Variants in TTC6 observed in about 807,000 individuals in gnomAD.
TTC6 encodes tetratricopeptide repeat protein 6.
In TTC6, 172 loss-of-function variants were observed where a neutral mutation model predicts 210.4. That is an observed-to-expected ratio of 0.82 (90% confidence interval 0.72 to 0.93). The LOEUF (loss-of-function observed/expected upper bound fraction) is 0.93, where lower values mean the gene tolerates loss of function less well. Ranked by LOEUF, TTC6 falls within the 40% of genes least tolerant of loss-of-function variation. The pLI is 0.00. For synonymous variants in TTC6, 804 were observed against 819.6 expected (o/e 0.98, Z 0.32); for missense variants, 2,414 against 2,318.1 (o/e 1.04, Z -0.85).
At chr14:37,826,319 C>A (rs369424662) in exon 28 of TTC6, 86 of 1,608,626 alleles carry the variant, frequency 5.3e-5, no homozygotes, top group Non-Finnish European at 6.5e-5. Flanking sequence ...AATTTTGCTG[C>A]AATGCAGGAT....
At chr14:37,730,412 T>C (rs1287300982) in intron 7 of TTC6, among the ~76,000 whole-genome samples, 1 of 152,170 alleles carries the variant, frequency 6.6e-6, no homozygotes, top group East Asian at 1.9e-4. Flanking sequence ...ATCCTTTCCA[T>C]GAAGGATTGG....
intron 1 of TTC6, among the ~76,000 whole-genome samples, chr14:37,639,715 C>CAAAAAAAAAAAA (rs35837305): frequency 1.3e-5 from 1 of 74,192 alleles, no homozygotes; most frequent in Non-Finnish European, 2.6e-5. Context: ...ACAAGAAATA[C>CAAAAAAAAAAAA]AAAAAAAAAA....
chr14:37,722,781 G>A (rs2095864373), intron 6 of TTC6, among the ~76,000 whole-genome samples: 1 of 152,180 alleles, frequency 6.6e-6, no homozygotes. Context: ...CACCTGGCTA[G>A]GTAGTGTTTA....
chr14:37,597,813 G>C lies in TTC6; in HGVS notation c.-235+1805G>C, dbSNP rs183079538. Among the ~76,000 whole-genome samples the C allele has an allele frequency of 3.0e-3, 455 of 152,232 alleles. 4 individuals carry two copies. Among genetic ancestry groups the C allele is most frequent in the Non-Finnish European group, 1.8e-3 (124 of 68,014 alleles). On this transcript the variant is annotated intron_variant, in intron 1 of 2. Transcript: ENST00000556845. ...GCCAGGCGATACTGGATTGAACTCC[G>C]CACGCATCCCAGTCAGGGATTTAGG...
In TTC6 at chr14:37,763,328, A is replaced by G. The variant is rs1024029874; in HGVS notation, c.3266+10093A>G. ...TTAATAACAGGGTAATGCTGCTTTA[A>G]TAAAGTGAATGAGGAAGTATTTTCT... On this transcript the variant is annotated intron_variant, in intron 14 of 30. Coordinates refer to ENST00000553443, the Ensembl canonical transcript of TTC6. Among the ~76,000 whole-genome samples, 5 of 152,274 alleles carry G rather than the reference A, an allele frequency of 3.3e-5. No homozygotes were observed. The East Asian group carries it at 9.6e-4, about 29-fold the overall frequency.
rs78925458 is a variant in TTC6 at position 37,826,954 on chromosome 14, A to G, written c.5128-242A>G. On this transcript the variant is annotated intron_variant, in intron 28 of 30. Transcript: ENST00000553443. ...TTTCCACTTTGTCTATTCCTTGGAA[A>G]GGAACTGAGTGAAAAAACACTAAGA... Among the ~76,000 whole-genome samples the G allele has an allele frequency of 7.0e-4, 107 of 152,272 alleles. No homozygotes were observed. The East Asian group carries it at 0.02, about 29-fold the overall frequency.
At chr14:37,612,701 A>G (rs1212217002) in intron 2 of TTC6, among the ~76,000 whole-genome samples, 1 of 152,126 alleles carries the variant, frequency 6.6e-6, no homozygotes, top group Non-Finnish European at 1.5e-5. Context: ...GAGATTTTGG[A>G]CATTTTTTGT....
At chr14:37,795,705 T>C (rs1160405747) in intron 18 of TTC6, among the ~76,000 whole-genome samples, 1 of 152,174 alleles carries the variant, frequency 6.6e-6, no homozygotes. Flanking sequence ...AACATAAGCA[T>C]GTGTACTAAA....
At chr14:37,694,101 A>G (rs375868696) in intron 3 of TTC6, among the ~76,000 whole-genome samples, 21 of 152,294 alleles carry the variant, frequency 1.4e-4, no homozygotes, top group African/African-American at 5.1e-4. Context: ...GCAAAAATGA[A>G]CAAATGGGTT....
upstream of TTC6, among the ~76,000 whole-genome samples, chr14:37,617,853 T>A (rs902025858): frequency 4.5e-4 from 69 of 152,194 alleles, 2 homozygotes; most frequent in Admixed American, 6.5e-4. Flanking sequence ...GGTATGTCAG[T>A]TGAGATGATA....
chr14:37,597,405 G>C (rs569941447), intron 1 of TTC6, among the ~76,000 whole-genome samples: 18 of 152,064 alleles, frequency 1.2e-4, no homozygotes, highest in African/African-American at 3.9e-4. Flanking sequence ...ACAATTTATG[G>C]ATAGTAATAG....
chr14:37,736,065 C>T, intron 8 of TTC6, 55 bp downstream of exon 10: 2 of 908,296 alleles, frequency 2.2e-6, no homozygotes, highest in Non-Finnish European at 3.4e-6. Context: ...GCCTACAGTC[C>T]AGATATTAAT....
At chr14:37,759,846 C>T (rs1217121116) in intron 14 of TTC6, among the ~76,000 whole-genome samples, 1 of 152,154 alleles carries the variant, frequency 6.6e-6, no homozygotes, top group Non-Finnish European at 1.5e-5. Context: ...TTTTCAGCTC[C>T]ATCAGGTCAT....
intron 1 of TTC6, among the ~76,000 whole-genome samples, chr14:37,673,074 T>C (rs999731820): frequency 1.3e-5 from 2 of 152,130 alleles, no homozygotes; most frequent in African/African-American, 4.8e-5. Flanking sequence ...TGGCAGCTGT[T>C]CAAATTCCAT....
At chr14:37,688,403 G>T (rs1328987609) in intron 3 of TTC6, among the ~76,000 whole-genome samples, 1 of 152,096 alleles carries the variant, frequency 6.6e-6, no homozygotes, top group African/African-American at 2.4e-5. Context: ...GGCTGGTTTT[G>T]CCACCTGCTG....
At chr14:37,684,289 T>C (rs2138571695) in intron 3 of TTC6, among the ~76,000 whole-genome samples, 2 of 152,312 alleles carry the variant, frequency 1.3e-5, no homozygotes, top group South Asian at 4.1e-4. Flanking sequence ...CCCTGTTTTC[T>C]CAGGTTTATC....
At chr14:37,631,855 A>G (rs890510081) in intron 1 of TTC6, among the ~76,000 whole-genome samples, 18 of 151,922 alleles carry the variant, frequency 1.2e-4, no homozygotes, top group African/African-American at 4.1e-4. Flanking sequence ...GCTTTATTTC[A>G]TTAAGTTGAT....
chr14:37,685,755 A>C (rs1340648446), intron 3 of TTC6, among the ~76,000 whole-genome samples: 1 of 152,162 alleles, frequency 6.6e-6, no homozygotes, highest in African/African-American at 2.4e-5. Flanking sequence ...AGATGGGTTT[A>C]AGCTTGTTGC....
chr14:37,730,723 T>A (rs959607811), intron 7 of TTC6, among the ~76,000 whole-genome samples: 2 of 152,218 alleles, frequency 1.3e-5, no homozygotes, highest in African/African-American at 4.8e-5. Context: ...TGCATTCCAA[T>A]TTGATGTGGC....
Sources: allele counts gnomAD v4.1 joint callset (sites outside exome capture counted in the v4.1 genomes callset), GRCh38; gene constraint gnomAD v4.1.1; transcripts MANE v1.5; gene names NCBI Gene and HGNC (gene_info 2026-07-23, HGNC 2026-07-21).